The following CCDC112 variants were observed in gnomAD, a reference collection of about 807,000 sequenced individuals.
CCDC112 encodes coiled-coil domain containing 112, also known as coiled-coil domain-containing protein 112.
CCDC112 carries 40 observed loss-of-function variants against 66.3 expected under a neutral mutation model. That is an observed-to-expected ratio of 0.60 (90% CI 0.47 to 0.79). The LOEUF (loss-of-function observed/expected upper bound fraction) is 0.79, where lower values mean the gene tolerates loss of function less well. Among genes scored for constraint, CCDC112 ranks in the 30% least tolerant of loss-of-function variants. The probability of loss-of-function intolerance (pLI) is 0.00; values close to 1 mark genes in which losing one functional copy is unlikely to be tolerated. For missense variants in CCDC112, 659 were observed against 603.8 expected (o/e 1.09, Z -0.96); for synonymous variants, 214 against 197.2 (o/e 1.09, Z -0.71).
chr5:115,267,701 A>C lies in CCDC112; in HGVS notation c.*175T>G. 1.6e-6 allele frequency: 1 copy of C among 630,418 alleles called. No homozygotes were observed. Among genetic ancestry groups the C allele is most frequent in the South Asian group, 1.9e-5 (1 of 52,396 alleles). The allele number at this position is 630,418 out of a possible 1,614,324, so 39.1% of individuals were successfully genotyped here. On this transcript the variant is annotated 3_prime_UTR_variant, in exon 10 of 10. Coordinates refer to ENST00000379611, the MANE Select transcript of CCDC112 (RefSeq NM_001040440.3). The stretch of plus-strand genomic sequence containing the variant: ...CATATATTAAATACCTTCTTGGTAG[A>C]AGCAGGAATACTAATGACAAAGCCT...
chr5:115,282,701 A>G lies in CCDC112; in HGVS notation c.239+2086T>C, dbSNP rs138290698. Among the ~76,000 whole-genome samples the G allele has an allele frequency of 2.4e-4, 36 of 152,274 alleles. 1 individual carries two copies. Among genetic ancestry groups the G allele is most frequent in the African/African-American group, 6.7e-4 (28 of 41,572 alleles). ...TCTGGGGAAGGATACATAAGAAACC[A>G]AAACTAGTGGGTTATCTGAGTGGAA... On this transcript the variant is annotated intron_variant, in intron 2 of 9. Coordinates refer to ENST00000379611, the MANE Select transcript of CCDC112 (RefSeq NM_001040440.3).
At chr5:115,268,826 TA>T (rs1334037621) in intron 9 of CCDC112, 55 bp downstream of exon 9, 4 of 911,804 alleles carry the variant, frequency 4.4e-6, no homozygotes, top group Non-Finnish European at 6.6e-6. Context: ...GTGCATAAAA[TA>T]TAAACATGCA....
chr5:115,287,018 T>A (rs887755725), intron 1 of CCDC112, among the ~76,000 whole-genome samples: 2 of 152,204 alleles, frequency 1.3e-5, no homozygotes, highest in African/African-American at 4.8e-5. Flanking sequence ...CTTGTAAATA[T>A]ATCCCCCCAT....
intron 1 of CCDC112, among the ~76,000 whole-genome samples, chr5:115,293,551 A>G (rs1328564700): frequency 1.3e-5 from 2 of 152,174 alleles, no homozygotes; most frequent in East Asian, 1.9e-4. Context: ...TTTTTCCAGC[A>G]TCTAGAACCA....
At chr5:115,275,932 T>C in intron 5 of CCDC112, 62 bp downstream of exon 5, 1 of 1,083,554 alleles carries the variant, frequency 9.2e-7, no homozygotes, top group South Asian at 1.4e-5. Context: ...AAAAATGTAC[T>C]GGGGCCAGTT....
chr5:115,277,630 G>A (rs572445602), intron 3 of CCDC112, among the ~76,000 whole-genome samples: 12 of 152,164 alleles, frequency 7.9e-5, no homozygotes, highest in Admixed American at 4.6e-4. Context: ...GCCACAGGTC[G>A]CCAAGCTCAA....
intron 2 of CCDC112, among the ~76,000 whole-genome samples, chr5:115,280,676 C>T (rs1158641983): frequency 2.0e-5 from 3 of 151,818 alleles, no homozygotes; most frequent in Admixed American, 6.6e-5. Context: ...CCTCAGTCTC[C>T]TGAGTAGCTG....
rs541471739 is a variant in CCDC112 at position 115,296,523 on chromosome 5, A to C, written c.21T>G (p.Val7=). The change falls in exon 1 of 10, where the codon GTT becomes GTG. Residue 7 remains valine, a synonymous_variant. Transcript: ENST00000379611. ...CCGCGGTGGCCGCAGCCGCTACCAC[A>C]ACCGTCGTCAGTGCGGCCATGTTTA... MAALTT[V]VVAAAATAVA... 2 of 1,537,082 alleles carry C rather than the reference A, an allele frequency of 1.3e-6. No individual in the cohort carries two copies. Among genetic ancestry groups the C allele is most frequent in the African/African-American group, 2.9e-5 (2 of 69,854 alleles).
intron 1 of CCDC112, among the ~76,000 whole-genome samples, chr5:115,285,564 C>T (rs1278754489): frequency 1.3e-5 from 2 of 151,856 alleles, no homozygotes; most frequent in African/African-American, 4.8e-5. Flanking sequence ...CAGAGAAAGG[C>T]CAATTGTGTC....
At chr5:115,276,884 ATAAAG>A (rs1200010859) in intron 4 of CCDC112, 76 bp downstream of exon 4, 6 of 866,376 alleles carry the variant, frequency 6.9e-6, no homozygotes, top group South Asian at 3.1e-5. Context: ...GTCCTAACCA[ATAAAG>A]TAGAGTTTAG....
intron 1 of CCDC112, among the ~76,000 whole-genome samples, chr5:115,294,060 C>G (rs1750046070): frequency 6.6e-6 from 1 of 152,016 alleles, no homozygotes; most frequent in Admixed American, 6.5e-5. Context: ...GGGTTATGAA[C>G]AAATAATATA....
chr5:115,271,941 T>TTA (rs1749019936), intron 6 of CCDC112, among the ~76,000 whole-genome samples: 1 of 146,136 alleles, frequency 6.8e-6, no homozygotes, highest in Non-Finnish European at 1.5e-5. Flanking sequence ...TTTTTTTTTT[T>TTA]GAGACGGAGT....
chr5:115,271,527 G>A lies in CCDC112; in HGVS notation c.1018C>T (p.Gln340Ter). The change falls in exon 7 of 10, where the codon CAA (glutamine) becomes TAA (stop). Residue 340 changes from glutamine (Q) to a stop codon, truncating the protein, a stop_gained. Transcript: ENST00000379611. LOFTEE classifies it high-confidence loss of function. Reference protein sequence around the residue: ...DNTPVLFHNKQEDNQKQKEEQ... With the variant: ...DNTPVLFHNK ...TCTTTTTGCTTTTGATTATCCTCTT[G>A]TTTATTATGAAAAAGCACAGGTGTG... is the stretch of plus-strand genomic sequence containing the variant. 6.2e-7 allele frequency: 1 copy of A among 1,610,372 alleles called. No individual in the cohort carries two copies. The highest frequency in any genetic ancestry group is 8.5e-7 in the Non-Finnish European group (1 of 1,179,102).
At chr5:115,281,917 G>C (rs904773439) in intron 2 of CCDC112, among the ~76,000 whole-genome samples, 2 of 152,158 alleles carry the variant, frequency 1.3e-5, no homozygotes, top group African/African-American at 4.8e-5. Context: ...TGGTGGAACT[G>C]TTGTCTACGG....
chr5:115,280,644 C>T (rs1221916897), intron 2 of CCDC112, among the ~76,000 whole-genome samples: 2 of 151,912 alleles, frequency 1.3e-5, no homozygotes, highest in African/African-American at 4.8e-5. Context: ...CCTTGACCTC[C>T]CTGGCTCAAG....
intron 1 of CCDC112, among the ~76,000 whole-genome samples, chr5:115,291,310 C>T (rs1429442801): frequency 6.6e-6 from 1 of 152,096 alleles, no homozygotes; most frequent in East Asian, 1.9e-4. Flanking sequence ...ATTAAACCAA[C>T]ACTGCATGTC....
chr5:115,294,906 G>A (rs1157592681), intron 1 of CCDC112, among the ~76,000 whole-genome samples: 2 of 152,060 alleles, frequency 1.3e-5, no homozygotes, highest in Non-Finnish European at 2.9e-5. Context: ...CACACGTGAA[G>A]AATTCTACCT....
At chr5:115,275,691 T>C in intron 5 of CCDC112, 85 bp from the exon 6 acceptor site, 1 of 927,596 alleles carries the variant, frequency 1.1e-6, no homozygotes, top group Non-Finnish European at 1.6e-6. Context: ...ACCTGACTCT[T>C]TATATCATCT....
At chr5:115,275,117 T>C (rs1012088048) in intron 6 of CCDC112, 99 bp downstream of exon 6, 2 of 909,726 alleles carry the variant, frequency 2.2e-6, no homozygotes, top group Non-Finnish European at 3.2e-6. Context: ...TAAACACACT[T>C]CATGGGATTG....
Sources: allele counts gnomAD v4.1 joint callset (sites outside exome capture counted in the v4.1 genomes callset), GRCh38; gene constraint gnomAD v4.1.1; transcripts MANE v1.5; gene names NCBI Gene and HGNC (gene_info 2026-07-23, HGNC 2026-07-21).